MITF: variants seen among roughly 807,000 people sequenced by gnomAD.
The protein encoded by MITF is microphthalmia-associated transcription factor.
In MITF, 17 loss-of-function variants were observed where a neutral mutation model predicts 60.5. The observed-to-expected ratio is 0.28, with a 90% CI of 0.19 to 0.42. The LOEUF is 0.42. MITF is among the 10% of genes least tolerant of loss of function. The pLI is 1.00. For synonymous variants in MITF, 260 were observed against 248.5 expected (o/e 1.05, Z -0.43); for missense variants, 622 against 683.5 (o/e 0.91, Z 1.00).
At chr3:69,871,891 A>G (rs2064245597) in intron 1 of MITF, among the ~76,000 whole-genome samples, 1 of 152,190 alleles carries the variant, frequency 6.6e-6, no homozygotes, top group South Asian at 2.1e-4. Flanking sequence ...TTTTTCTTTT[A>G]AAATACTCTC....
intron 7 of MITF, among the ~76,000 whole-genome samples, chr3:69,953,766 T>C (rs1053175824): frequency 6.6e-6 from 1 of 151,710 alleles, no homozygotes; most frequent in African/African-American, 2.4e-5. Context: ...TTCTACAATG[T>C]GAACCAGAAA....
chr3:69,788,184 T>G (rs1405869123), intron 1 of MITF, among the ~76,000 whole-genome samples: 4 of 151,724 alleles, frequency 2.6e-5, no homozygotes, highest in Admixed American at 2.6e-4. Flanking sequence ...GTGCACAATA[T>G]GCAGGTTTGT....
At chr3:69,778,599 A>G (rs538752432) in intron 1 of MITF, among the ~76,000 whole-genome samples, 222 of 152,280 alleles carry the variant, frequency 1.5e-3, no homozygotes, top group African/African-American at 5.2e-3. Context: ...TCTGGGCATC[A>G]CAACTGCTTT....
At chr3:69,918,516 T>C (rs1450397144) in intron 2 of MITF, among the ~76,000 whole-genome samples, 4 of 152,214 alleles carry the variant, frequency 2.6e-5, no homozygotes, top group African/African-American at 9.6e-5. Flanking sequence ...ATATCACTGA[T>C]AGCAGTGCAT....
chr3:69,959,581 C>T (rs1024323188), intron 9 of MITF, among the ~76,000 whole-genome samples, 161 bp downstream of exon 9: 8 of 152,186 alleles, frequency 5.3e-5, no homozygotes, highest in African/African-American at 9.7e-5. Flanking sequence ...CTACTTGTAA[C>T]CCCAAAGTCA....
chr3:69,874,549 G>T (rs1328486715), intron 1 of MITF, among the ~76,000 whole-genome samples: 2 of 152,210 alleles, frequency 1.3e-5, no homozygotes, highest in African/African-American at 2.4e-5. Flanking sequence ...GCGAAGCACA[G>T]AGATAGACTA....
At chr3:69,906,378 C>G (rs1453299089) in intron 2 of MITF, among the ~76,000 whole-genome samples, 1 of 152,108 alleles carries the variant, frequency 6.6e-6, no homozygotes, top group African/African-American at 2.4e-5. Flanking sequence ...CAAGTATTGT[C>G]TGACCTCCAA....
At chr3:69,940,833 G>C (rs2065951673) in intron 4 of MITF, among the ~76,000 whole-genome samples, 1 of 152,172 alleles carries the variant, frequency 6.6e-6, no homozygotes, top group Admixed American at 6.5e-5. Flanking sequence ...TGAAAGCATG[G>C]GTTAAATTGT....
intron 1 of MITF, among the ~76,000 whole-genome samples, chr3:69,746,568 G>A (rs952809919): frequency 3.9e-5 from 6 of 152,104 alleles, no homozygotes; most frequent in African/African-American, 1.4e-4. Flanking sequence ...CTGAGGGTTT[G>A]TCTAATCGGA....
chr3:69,955,950 A>G (rs1559748420), intron 7 of MITF, among the ~76,000 whole-genome samples: 1 of 152,178 alleles, frequency 6.6e-6, no homozygotes, highest in Non-Finnish European at 1.5e-5. Flanking sequence ...TATATTTTGA[A>G]TTTTGTCAGT....
intron 1 of MITF, among the ~76,000 whole-genome samples, chr3:69,862,047 T>C (rs1005085214): frequency 1.3e-5 from 2 of 150,912 alleles, no homozygotes; most frequent in Admixed American, 1.3e-4. Flanking sequence ...GATAATATTA[T>C]ATATAGCTAT....
At chr3:69,790,932 C>T (rs2062729872) in intron 1 of MITF, among the ~76,000 whole-genome samples, 1 of 152,192 alleles carries the variant, frequency 6.6e-6, no homozygotes, top group African/African-American at 2.4e-5. Context: ...CTTCTTAATT[C>T]CAAATGCATC....
intron 2 of MITF, among the ~76,000 whole-genome samples, 164 bp from the exon 3 acceptor site, chr3:69,937,658 C>T (rs139637709): frequency 1.2e-4 from 19 of 152,286 alleles, no homozygotes; most frequent in African/African-American, 4.1e-4. Flanking sequence ...CTTTAAACTT[C>T]AGTAATATCA....
chr3:69,783,262 T>C (rs2106883588), intron 1 of MITF, among the ~76,000 whole-genome samples: 1 of 152,276 alleles, frequency 6.6e-6, no homozygotes, highest in South Asian at 2.1e-4. Flanking sequence ...TGAAATTACC[T>C]TTTGCTTGGA....
intron 2 of MITF, among the ~76,000 whole-genome samples, chr3:69,910,156 T>C (rs1209559883): frequency 6.6e-6 from 1 of 152,176 alleles, no homozygotes; most frequent in Admixed American, 6.5e-5. Context: ...GGGGCCAACA[T>C]AGAGCTTGGG....
At chr3:69,863,520 C>CACCA (rs2064054705) in intron 1 of MITF, among the ~76,000 whole-genome samples, 1 of 152,154 alleles carries the variant, frequency 6.6e-6, no homozygotes, top group Non-Finnish European at 1.5e-5. Flanking sequence ...CACATTATGT[C>CACCA]CCCTTCGGGA....
intron 2 of MITF, among the ~76,000 whole-genome samples, chr3:69,883,152 C>T (rs1006799403): frequency 1.3e-5 from 2 of 152,178 alleles, no homozygotes; most frequent in Non-Finnish European, 2.9e-5. Context: ...TACTTTGGGG[C>T]ATTTCTTAAC....
chr3:69,815,979 C>T (rs2063175445), intron 1 of MITF, among the ~76,000 whole-genome samples: 1 of 152,268 alleles, frequency 6.6e-6, no homozygotes, highest in Non-Finnish European at 1.5e-5. Flanking sequence ...TTTCTGGGAT[C>T]TCTACAGAAC....
At chr3:69,861,289 C>T (rs1366028916) in intron 1 of MITF, among the ~76,000 whole-genome samples, 1 of 151,992 alleles carries the variant, frequency 6.6e-6, no homozygotes, top group Non-Finnish European at 1.5e-5. Flanking sequence ...TCCATCTATC[C>T]AGCAAATATT....
Sources: allele counts gnomAD v4.1 joint callset (sites outside exome capture counted in the v4.1 genomes callset), GRCh38; gene constraint gnomAD v4.1.1; transcripts MANE v1.5; gene names NCBI Gene and HGNC (gene_info 2026-07-23, HGNC 2026-07-21).